Variants in CAMK1D observed in about 807,000 individuals in gnomAD.
CAMK1D encodes the protein calcium/calmodulin dependent protein kinase ID, also known as calcium/calmodulin-dependent protein kinase type 1D.
A neutral mutation model predicts 47.7 loss-of-function variants in CAMK1D; 9 were observed. The observed-to-expected ratio is 0.19, with a 90% confidence interval of 0.11 to 0.33. The LOEUF is 0.33. Ranked by LOEUF, CAMK1D falls within the 10% of genes least tolerant of loss-of-function variation. CAMK1D has a pLI of 1.00. For missense variants in CAMK1D, 291 were observed against 488.7 expected (o/e 0.60, Z 3.81); for synonymous variants, 184 against 184.9 (o/e 0.99, Z 0.04).
chr10:12,540,144 G>A (rs1299670587), intron 1 of CAMK1D, among the ~76,000 whole-genome samples: 3 of 148,970 alleles, frequency 2.0e-5, no homozygotes, highest in Admixed American at 6.7e-5. Flanking sequence ...TATCCAGGCT[G>A]GTCTCCAACT....
In CAMK1D at chr10:12,459,718, A is replaced by C. The variant is rs141350134; in HGVS notation, c.93-93507A>C. ...TCTGTCATAGTTTCTGAATTCGATGAAAGATTAATGTGGTTATTTTTAAAA... is the reference window on the plus strand; with the variant it reads ...TCTGTCATAGTTTCTGAATTCGATGCAAGATTAATGTGGTTATTTTTAAAA... On this transcript the variant is annotated intron_variant, in intron 1 of 10. Transcript: ENST00000619168. 1.4e-3 allele frequency among the ~76,000 whole-genome samples: 211 copies of C among 152,318 alleles called. 1 individual carries two copies. The highest frequency in any genetic ancestry group is 4.7e-3 in the African/African-American group (197 of 41,568).
intron 2 of CAMK1D, among the ~76,000 whole-genome samples, chr10:12,631,371 C>G (rs1009643180): frequency 2.0e-5 from 3 of 152,198 alleles, no homozygotes; most frequent in African/African-American, 7.2e-5. Context: ...CAAGCTCCGC[C>G]CATAGTGCAT....
At chr10:12,449,921 T>C (rs989535454) in intron 1 of CAMK1D, among the ~76,000 whole-genome samples, 3 of 152,072 alleles carry the variant, frequency 2.0e-5, no homozygotes, top group Admixed American at 6.6e-5. Flanking sequence ...ATCGCTTGAC[T>C]TGGGAGGCAG....
chr10:12,788,276 C>T (rs897031543), intron 5 of CAMK1D, among the ~76,000 whole-genome samples: 9 of 152,182 alleles, frequency 5.9e-5, no homozygotes, highest in Non-Finnish European at 1.2e-4. Flanking sequence ...CTGCAGCCTC[C>T]AACTCTGGGC....
intron 1 of CAMK1D, among the ~76,000 whole-genome samples, chr10:12,501,763 T>C (rs1181186948): frequency 1.3e-5 from 2 of 151,090 alleles, no homozygotes; most frequent in Non-Finnish European, 3.0e-5. Flanking sequence ...CATCCCTTAA[T>C]GCACAGCACA....
chr10:12,628,849 C>G (rs1839299072), intron 2 of CAMK1D, among the ~76,000 whole-genome samples: 1 of 152,084 alleles, frequency 6.6e-6, no homozygotes, highest in African/African-American at 2.4e-5. Context: ...ATAGTTTTAC[C>G]TTTTCTATAA....
At chr10:12,622,338 T>C (rs1839024150) in intron 2 of CAMK1D, among the ~76,000 whole-genome samples, 1 of 152,054 alleles carries the variant, frequency 6.6e-6, no homozygotes, top group Non-Finnish European at 1.5e-5. Context: ...AAAGTAGGCT[T>C]TTGTGGGGGG....
chr10:12,663,652 G>A (rs138946873), intron 2 of CAMK1D, among the ~76,000 whole-genome samples: 3 of 152,286 alleles, frequency 2.0e-5, no homozygotes, highest in African/African-American at 7.2e-5. Context: ...ACCTAGGACT[G>A]TGCCTGATAC....
At chr10:12,350,179 C>T (rs1410671406) in intron 1 of CAMK1D, among the ~76,000 whole-genome samples, 3 of 152,056 alleles carry the variant, frequency 2.0e-5, no homozygotes, top group Non-Finnish European at 4.4e-5. Flanking sequence ...CCCACTTCTC[C>T]TGCCACCGCC....
chr10:12,528,476 G>A (rs74606806), intron 1 of CAMK1D, among the ~76,000 whole-genome samples: 1,998 of 152,246 alleles, frequency 0.013, 39 homozygotes, highest in East Asian at 0.046. Flanking sequence ...ACAGACAAGC[G>A]TGATTTCAGT....
At chr10:12,684,363 A>G (rs1191836170) in intron 3 of CAMK1D, among the ~76,000 whole-genome samples, 1 of 152,146 alleles carries the variant, frequency 6.6e-6, no homozygotes, top group Non-Finnish European at 1.5e-5. Flanking sequence ...TGGGTCAGAG[A>G]AGGGGGTATC....
intron 1 of CAMK1D, among the ~76,000 whole-genome samples, chr10:12,437,174 A>G (rs2997060): frequency 0.92 from 137,589 of 150,084 alleles, 63,648 homozygotes; most frequent in Non-Finnish European, 0.99. Flanking sequence ...CTATCTGTCC[A>G]TCTGTCTGTC....
intron 1 of CAMK1D, among the ~76,000 whole-genome samples, chr10:12,457,509 C>T (rs1001965921): frequency 3.4e-4 from 52 of 152,088 alleles, no homozygotes; most frequent in African/African-American, 1.2e-3. Context: ...GCTGGGCGGC[C>T]GGGCGCAGTG....
rs1339961724 is a variant in CAMK1D at position 12,473,355 on chromosome 10, A to C, written c.93-79870A>C. 3.3e-5 allele frequency among the ~76,000 whole-genome samples: 5 copies of C among 152,172 alleles called. No homozygotes were observed. The East Asian group carries it at 5.8e-4, about 18-fold the overall frequency. The stretch of plus-strand genomic sequence containing the variant: ...AGGCTGAGGCAGGAGAATTGCTTGA[A>C]CTTGGGAGGTGGAAGTTGCAGTGAG... On this transcript the variant is annotated intron_variant, in intron 1 of 10. Transcript: ENST00000619168.
chr10:12,583,605 ATTTTTTT>A (rs199562739), intron 2 of CAMK1D, among the ~76,000 whole-genome samples: 7 of 132,648 alleles, frequency 5.3e-5, no homozygotes, highest in African/African-American at 2.0e-4. Context: ...TTGTTGTTTT[ATTTTTTT>A]TTTTTTTTGA....
intron 1 of CAMK1D, among the ~76,000 whole-genome samples, chr10:12,461,999 T>C (rs913321466): frequency 2.4e-4 from 2 of 8,498 alleles, no homozygotes; most frequent in Admixed American, 1.8e-3. Flanking sequence ...TTACGTCTTA[T>C]ATACCAAGAC....
At chr10:12,360,955 C>T (rs1214850252) in intron 1 of CAMK1D, among the ~76,000 whole-genome samples, 2 of 152,234 alleles carry the variant, frequency 1.3e-5, no homozygotes, top group East Asian at 3.9e-4. Context: ...ATAGTGTCCA[C>T]GTCACCAGGA....
At chr10:12,537,618 C>G (rs1338283298) in intron 1 of CAMK1D, among the ~76,000 whole-genome samples, 1 of 152,168 alleles carries the variant, frequency 6.6e-6, no homozygotes, top group Non-Finnish European at 1.5e-5. Context: ...TGTCTGTATC[C>G]TTCCCCGCAT....
intron 2 of CAMK1D, among the ~76,000 whole-genome samples, chr10:12,634,979 A>G (rs1839473439): frequency 6.6e-6 from 1 of 152,166 alleles, no homozygotes; most frequent in Non-Finnish European, 1.5e-5. Context: ...GGCAGATGCC[A>G]TATACTGTGC....
Sources: gnomAD v4.1 joint callset for allele counts (sites outside exome capture counted in the v4.1 genomes callset) on GRCh38, gnomAD v4.1.1 for gene constraint, MANE v1.5 for transcripts, NCBI Gene and HGNC (gene_info 2026-07-23, HGNC 2026-07-21) for gene names.